SEPTIN9: variants seen among roughly 807,000 people sequenced by gnomAD.
SEPTIN9 encodes septin 9.
A neutral mutation model predicts 56.6 loss-of-function variants in SEPTIN9; 13 were observed. The ratio of observed to expected loss-of-function variants is 0.23; its 90% CI spans 0.15 to 0.37. The LOEUF (loss-of-function observed/expected upper bound fraction) is 0.37. Among genes scored for constraint, SEPTIN9 ranks in the 10% least tolerant of loss-of-function variants. The probability of loss-of-function intolerance (pLI) is 1.00; values close to 1 mark genes in which losing one functional copy is unlikely to be tolerated. For missense variants in SEPTIN9, 650 were observed against 823.1 expected (o/e 0.79, Z 2.57); for synonymous variants, 332 against 334.1 (o/e 0.99, Z 0.07).
chr17:77,398,463 G>T (rs1192153684), intron 2 of SEPTIN9, among the ~76,000 whole-genome samples: 1 of 152,176 alleles, frequency 6.6e-6, no homozygotes, highest in Non-Finnish European at 1.5e-5. Flanking sequence ...CCGGGAAGGG[G>T]GCTGGAGTGG....
intron 1 of SEPTIN9, among the ~76,000 whole-genome samples, chr17:77,284,578 G>A (rs1324221165): frequency 1.3e-5 from 2 of 152,016 alleles, no homozygotes; most frequent in East Asian, 3.9e-4. Flanking sequence ...CTCACCTCAT[G>A]CATCTCATTT....
chr17:77,313,544 G>A lies in SEPTIN9; in HGVS notation c.76+6347G>A, dbSNP rs2032588669. Among the ~76,000 whole-genome samples, 1 of 152,134 alleles carries A rather than the reference G, an allele frequency of 6.6e-6. No homozygotes were observed. The highest frequency in any genetic ancestry group is 2.1e-4 in the South Asian group (1 of 4,830). Reference sequence around the variant, plus strand: ...TGGCCTCAGCCTGGGAATCCGTCTTGCTTGGGAGGCTGTAGGCGGGCCAGG... The same window carrying A: ...TGGCCTCAGCCTGGGAATCCGTCTTACTTGGGAGGCTGTAGGCGGGCCAGG... On this transcript the variant is annotated intron_variant, in intron 2 of 11. Coordinates refer to ENST00000427177, the MANE Select transcript of SEPTIN9 (RefSeq NM_001113491.2). This position sits in a 1 kb window ranked among gnomAD's most constrained non-coding sequence, Gnocchi z 4.5.
In SEPTIN9 at chr17:77,326,543, C is replaced by T. The variant is rs895542000; in HGVS notation, c.76+19346C>T. Among the ~76,000 whole-genome samples, 3 of 152,114 alleles carry T rather than the reference C, an allele frequency of 2.0e-5. No homozygotes were observed. Among genetic ancestry groups the T allele is most frequent in the Non-Finnish European group, 2.9e-5 (2 of 68,022 alleles). ...CAATGTGTTCAAAGGCCCTGGGGCG[C>T]GGGGGGCTGAGGCCGGCAGCACGGC... On this transcript the variant is annotated intron_variant, in intron 2 of 11. Coordinates refer to ENST00000427177, the MANE Select transcript of SEPTIN9 (RefSeq NM_001113491.2). The surrounding 1 kb of genome is among the most constrained non-coding windows in gnomAD (Gnocchi z 5.1).
At chr17:77,288,408 G>C (rs1598465394) in intron 1 of SEPTIN9, among the ~76,000 whole-genome samples, 1 of 152,248 alleles carries the variant, frequency 6.6e-6, no homozygotes, top group African/African-American at 2.4e-5. Context: ...TGGGGCAGCG[G>C]CTGAGATGGG....
At chr17:77,486,519 T>C (rs994300584) in intron 4 of SEPTIN9, among the ~76,000 whole-genome samples, 187 of 106,786 alleles carry the variant, frequency 1.8e-3, no homozygotes, top group East Asian at 9.6e-3. Context: ...TGTGTGTGTG[T>C]GTGCGCGCAC....
At chr17:77,416,843 TGCGG>T (rs1189912128) in intron 3 of SEPTIN9, among the ~76,000 whole-genome samples, 2 of 152,174 alleles carry the variant, frequency 1.3e-5, no homozygotes, top group East Asian at 3.9e-4. Context: ...CAGGATAAGA[TGCGG>T]GATCCCAACC....
chr17:77,497,067 G>A lies in SEPTIN9; in HGVS notation c.1574-248G>A, dbSNP rs924041612. 16 of 574,540 alleles carry A rather than the reference G, an allele frequency of 2.8e-5. No individual in the cohort carries two copies. In the African/African-American group the frequency reaches 3.4e-4, roughly 12 times the overall value. The allele number at this position is 574,540 out of a possible 1,614,324, so 35.6% of individuals were successfully genotyped here. On this transcript the variant is annotated intron_variant, in intron 10 of 11. Transcript: ENST00000427177. The stretch of plus-strand genomic sequence containing the variant: ...ATCTCCCATTAGCCAGGAACTTTCT[G>A]GAGAGCAGGAGCTGAGCTGTCCAGG...
At chr17:77,403,802 C>T (rs921164218) in intron 3 of SEPTIN9, among the ~76,000 whole-genome samples, 2 of 152,190 alleles carry the variant, frequency 1.3e-5, no homozygotes, top group Non-Finnish European at 1.5e-5. Flanking sequence ...GCAATTTTAG[C>T]CACTTTGCAG....
chr17:77,424,609 G>T (rs545650317), intron 3 of SEPTIN9, among the ~76,000 whole-genome samples: 14 of 152,334 alleles, frequency 9.2e-5, no homozygotes, highest in African/African-American at 3.1e-4. Flanking sequence ...GGGCCTCGGG[G>T]TCCCTTGCTT....
intron 3 of SEPTIN9, among the ~76,000 whole-genome samples, chr17:77,404,680 C>T: frequency 6.6e-6 from 1 of 152,020 alleles, no homozygotes; most frequent in East Asian, 1.9e-4. Context: ...ATGTGGAGTG[C>T]ACATTTGTCT....
intron 3 of SEPTIN9, among the ~76,000 whole-genome samples, chr17:77,428,685 G>A (rs922831652): frequency 6.6e-6 from 1 of 152,192 alleles, no homozygotes; most frequent in Admixed American, 6.5e-5. Context: ...GCTACAGAGA[G>A]CAGTGCTGGA....
chr17:77,490,932 C>T, intron 8 of SEPTIN9, 73 bp downstream of exon 8: 4 of 1,206,572 alleles, frequency 3.3e-6, no homozygotes, highest in Non-Finnish European at 4.8e-6. Context: ...CAGGGGCCAC[C>T]CCGTCTAAAG....
chr17:77,459,551 A>G (rs899067199), intron 3 of SEPTIN9, among the ~76,000 whole-genome samples: 5 of 152,176 alleles, frequency 3.3e-5, no homozygotes, highest in Admixed American at 3.3e-4. Context: ...GCTATAAGGA[A>G]TAGCCGAGGC....
intron 1 of SEPTIN9, among the ~76,000 whole-genome samples, chr17:77,301,974 G>A (rs903343825): frequency 2.6e-5 from 4 of 152,162 alleles, no homozygotes; most frequent in Non-Finnish European, 4.4e-5. Context: ...GCCCACAGAG[G>A]GGTTTGGAGT....
chr17:77,302,913 T>C (rs979895929), intron 1 of SEPTIN9, among the ~76,000 whole-genome samples: 2 of 152,186 alleles, frequency 1.3e-5, no homozygotes, highest in Middle Eastern at 3.4e-3. Context: ...AAGTTTGCTC[T>C]TTCTGCCTAG....
At position 77,499,184 on chromosome 17, in the gene SEPTIN9, C is replaced by T. The variant is rs1198147219; in HGVS notation, c.*526C>T. 1 of 543,140 alleles carries T rather than the reference C, an allele frequency of 1.8e-6. No individual in the cohort carries two copies. The highest frequency in any genetic ancestry group is 2.2e-5 in the Admixed American group (1 of 45,660). The allele number at this position is 543,140 out of a possible 1,614,324, so 33.6% of individuals were successfully genotyped here. ...TGGTGTGGCCATCACTCAGCCCCTA[C>T]CCCTGCCCTGCTCCTAAGGGTAGAA... On this transcript the variant is annotated 3_prime_UTR_variant, in exon 12 of 12. Transcript: ENST00000427177.
At chr17:77,493,183 C>T in intron 10 of SEPTIN9, 107 bp downstream of exon 10, 1 of 840,974 alleles carries the variant, frequency 1.2e-6, no homozygotes, top group South Asian at 1.5e-5. Context: ...GAACCTCATC[C>T]ACTGCCTTGC....
At chr17:77,409,542 G>A (rs991518892) in intron 3 of SEPTIN9, among the ~76,000 whole-genome samples, 2 of 152,206 alleles carry the variant, frequency 1.3e-5, no homozygotes, top group African/African-American at 4.8e-5. Context: ...CGCTGGGGGC[G>A]GTTTCTCTGC....
chr17:77,492,574 A>C lies in SEPTIN9; in HGVS notation c.1381-47A>C. The stretch of plus-strand genomic sequence containing the variant: ...ATGTGGCAAACACCAGTGGGTGGGT[A>C]GAGCTTGCCACAGGGATGGGCCCAT... On this transcript the variant is annotated intron_variant, in intron 8 of 11. Transcript: ENST00000427177. This position sits in a 1 kb window ranked among gnomAD's most constrained non-coding sequence, Gnocchi z 5.4. The C allele has an allele frequency of 1.8e-5, 28 of 1,536,660 alleles. No individual in the cohort carries two copies. Among genetic ancestry groups the C allele is most frequent in the Non-Finnish European group, 2.3e-5 (25 of 1,109,626 alleles).
Sources: allele counts gnomAD v4.1 joint callset (sites outside exome capture counted in the v4.1 genomes callset), GRCh38; gene constraint gnomAD v4.1.1; non-coding constraint Gnocchi (gnomAD v3.1); transcripts MANE v1.5; gene names NCBI Gene and HGNC (gene_info 2026-07-23, HGNC 2026-07-21).